The following ENPP2 variants were observed in gnomAD, a reference collection of about 807,000 sequenced individuals.
The protein encoded by ENPP2 is ectonucleotide pyrophosphatase/phosphodiesterase 2, also known as autotaxin.
Under a neutral mutation model 120.2 loss-of-function variants are expected in ENPP2, and 51 were observed. The observed-to-expected ratio is 0.42, with a 90% CI of 0.34 to 0.54. ENPP2 has a LOEUF of 0.54. ENPP2 is among the 20% of genes least tolerant of loss of function. The pLI is 0.04. For missense variants in ENPP2, 920 were observed against 1,066.5 expected (o/e 0.86, Z 1.91); for synonymous variants, 365 against 366.4 (o/e 1.00, Z 0.04).
chr8:119,633,956 G>A (rs1865292), intron 2 of ENPP2, among the ~76,000 whole-genome samples: 22,514 of 151,926 alleles, frequency 0.15, 2,162 homozygotes, highest in African/African-American at 0.26. Context: ...GCTGAGGCGA[G>A]TGGATCACCT....
intron 1 of ENPP2, among the ~76,000 whole-genome samples, chr8:119,664,465 G>A (rs868056772): frequency 8.6e-5 from 13 of 151,894 alleles, no homozygotes; most frequent in African/African-American, 2.4e-4. Flanking sequence ...TTTGCAAGCC[G>A]TGAAACTGCA....
At chr8:119,558,713 A>G (rs868815356) in intron 24 of ENPP2, among the ~76,000 whole-genome samples, 1 of 151,332 alleles carries the variant, frequency 6.6e-6, no homozygotes, top group Non-Finnish European at 1.5e-5. Flanking sequence ...ATTAGTAGAC[A>G]TTGAGCAGGA....
intron 1 of ENPP2, among the ~76,000 whole-genome samples, chr8:119,657,267 A>G (rs998648352): frequency 6.6e-6 from 1 of 152,204 alleles, no homozygotes; most frequent in African/African-American, 2.4e-5. Context: ...ACGCAGAAAG[A>G]TGAAATAATT....
intron 2 of ENPP2, among the ~76,000 whole-genome samples, chr8:119,637,910 A>G (rs1817101639): frequency 6.6e-6 from 1 of 152,218 alleles, no homozygotes; most frequent in South Asian, 2.1e-4. Context: ...ATCAATCCTG[A>G]AAACTCTTTA....
chr8:119,585,434 C>T (rs562048440), intron 15 of ENPP2, among the ~76,000 whole-genome samples: 4 of 152,262 alleles, frequency 2.6e-5, no homozygotes, highest in Admixed American at 6.5e-5. Flanking sequence ...TTCTTGTTAT[C>T]TTCTTTCTCT....
chr8:119,608,385 A>G (rs961544997), intron 8 of ENPP2, among the ~76,000 whole-genome samples: 17 of 152,150 alleles, frequency 1.1e-4, no homozygotes, highest in Non-Finnish European at 2.2e-4. Context: ...GAGTGCCCCA[A>G]TTTGGCATCC....
At chr8:119,568,108 G>A (rs1814627555) in intron 22 of ENPP2, 67 bp downstream of exon 22, 1 of 840,456 alleles carries the variant, frequency 1.2e-6, no homozygotes, top group Non-Finnish European at 2.0e-6. Context: ...GGTAGAAAAG[G>A]TAAGGGGTAA....
Position 119,617,156 on chromosome 8 carries a change from A to G in ENPP2, c.657+8T>C, listed in dbSNP as rs1384788149. The G allele has an allele frequency of 3.8e-6, 6 of 1,585,650 alleles. No homozygotes were observed. The highest frequency in any genetic ancestry group is 4.3e-6 in the Non-Finnish European group (5 of 1,154,160). ...CTTTGAATGTGTATCATTCGAAAAA[A>G]TACTTACAGTGGCCAAAGTGTATAA... On this transcript the variant is annotated splice_region_variant and intron_variant, in intron 7 of 24. Coordinates refer to ENST00000075322, the MANE Select transcript of ENPP2 (RefSeq NM_001040092.3).
chr8:119,621,961 C>T (rs1815931416), intron 3 of ENPP2, among the ~76,000 whole-genome samples: 1 of 152,242 alleles, frequency 6.6e-6, no homozygotes, highest in South Asian at 2.1e-4. Context: ...CAGAGTCTTG[C>T]TCTCTTGCCC....
chr8:119,602,396 G>T (rs996386914), intron 9 of ENPP2, among the ~76,000 whole-genome samples: 3 of 150,874 alleles, frequency 2.0e-5, no homozygotes, highest in African/African-American at 7.4e-5. Flanking sequence ...GGCAGAGGTT[G>T]CAGTGAGCCA....
chr8:119,577,530 A>G (rs556574631), intron 19 of ENPP2, among the ~76,000 whole-genome samples: 1 of 152,376 alleles, frequency 6.6e-6, no homozygotes, highest in African/African-American at 2.4e-5. Flanking sequence ...GCGATAGGAG[A>G]GAGCAACAGG....
chr8:119,601,252 TAGGGAAGTAACACTTA>T, intron 10 of ENPP2, 129 bp downstream of exon 10: 1 of 610,896 alleles, frequency 1.6e-6, no homozygotes, highest in Non-Finnish European at 2.9e-6. Flanking sequence ...GTATCCTTCT[TAGGGAAGTAACACTTA>T]AGGCTAAGAA....
chr8:119,615,053 G>A (rs961009830), intron 8 of ENPP2, among the ~76,000 whole-genome samples: 2 of 151,972 alleles, frequency 1.3e-5, no homozygotes, highest in Non-Finnish European at 2.9e-5. Flanking sequence ...GATCACAAAT[G>A]ACCTTTTCTT....
intron 1 of ENPP2, among the ~76,000 whole-genome samples, chr8:119,651,422 T>C (rs1817622336): frequency 6.6e-6 from 1 of 152,218 alleles, no homozygotes. Flanking sequence ...CACAGTATTA[T>C]CATTGTGAAT....
intron 1 of ENPP2, among the ~76,000 whole-genome samples, chr8:119,660,532 CA>C: frequency 6.6e-6 from 1 of 152,256 alleles, no homozygotes; most frequent in South Asian, 2.1e-4. Context: ...CAATTTAGGA[CA>C]AAGGTAACAA....
At chr8:119,658,291 G>A (rs13267849) in intron 1 of ENPP2, among the ~76,000 whole-genome samples, 51,932 of 152,018 alleles carry the variant, frequency 0.34, 9,057 homozygotes, top group East Asian at 0.51. Flanking sequence ...GTTCTTTTAG[G>A]CAGAGTCTCA....
At chr8:119,669,576 T>A (rs956683773) in intron 1 of ENPP2, among the ~76,000 whole-genome samples, 1 of 152,210 alleles carries the variant, frequency 6.6e-6, no homozygotes, top group African/African-American at 2.4e-5. Context: ...GGCTCCACTA[T>A]TCGCCACCTA....
intron 19 of ENPP2, among the ~76,000 whole-genome samples, chr8:119,578,012 T>A (rs757875780): frequency 6.6e-6 from 1 of 152,144 alleles, no homozygotes; most frequent in East Asian, 1.9e-4. Context: ...ATTTTTATGC[T>A]CTTAAGTTTG....
Position 119,616,237 on chromosome 8 carries a change from A to G in ENPP2, c.777+28T>C, listed in dbSNP as rs568712920. The G allele has an allele frequency of 6.3e-6, 10 of 1,595,814 alleles. No homozygotes were observed. In the East Asian group the frequency reaches 2.2e-4, roughly 36 times the overall value. ...TCTCAATACATGAACACACAAACAC[A>G]TAGACACACAATAAATGCAAAACTT... On this transcript the variant is annotated intron_variant, in intron 8 of 24. Transcript: ENST00000075322.
Sources: allele counts gnomAD v4.1 joint callset (sites outside exome capture counted in the v4.1 genomes callset), GRCh38; gene constraint gnomAD v4.1.1; transcripts MANE v1.5; gene names NCBI Gene and HGNC (gene_info 2026-07-23, HGNC 2026-07-21).